COA1: variants seen among roughly 807,000 people sequenced by gnomAD.
The protein encoded by COA1 is cytochrome c oxidase assembly factor 1 homolog.
A neutral mutation model predicts 16.0 loss-of-function variants in COA1; 13 were observed. That is an observed-to-expected ratio of 0.81 (90% CI 0.53 to 1.29). The LOEUF is 1.29. COA1 is among the 50% of genes most tolerant of loss of function. The pLI is 0.00. For missense variants in COA1, 179 were observed against 177.0 expected (o/e 1.01, Z -0.06); for synonymous variants, 65 against 65.7 (o/e 0.99, Z 0.05).
rs2094339459 is a variant in COA1, at chr7:43,691,411, GGA to G, written c.-39+38016_-39+38017del. Among the ~76,000 whole-genome samples the G allele has an allele frequency of 4.8e-5, 5 of 104,358 alleles. 1 individual carries two copies. Among genetic ancestry groups the G allele is most frequent in the African/African-American group, 1.8e-4 (5 of 27,474 alleles). The allele number at this position is 104,358 out of a possible 152,430, so 68.5% of individuals were successfully genotyped here. A position where few individuals can be genotyped will look rare whatever the true frequency, so the allele number is the denominator to read the frequency against. ...AGGAAGGAAGGAAGGAAGGAAGGAA[GGA>G]AGAAAGAAAAAGAAAGAAAGAAAGA... is the stretch of plus-strand genomic sequence containing the variant. On this transcript the variant is annotated intron_variant, in intron 1 of 5. Transcript: ENST00000223336.
At chr7:43,693,916 C>T (rs975567562) in intron 1 of COA1, among the ~76,000 whole-genome samples, 4 of 151,962 alleles carry the variant, frequency 2.6e-5, no homozygotes, top group African/African-American at 9.7e-5. Flanking sequence ...TAATCACACA[C>T]CATTTTAGTC....
chr7:43,640,035 AG>A (rs2086656732), intron 5 of COA1, among the ~76,000 whole-genome samples: 1 of 152,208 alleles, frequency 6.6e-6, no homozygotes, highest in Admixed American at 6.5e-5. Context: ...CAGTGAGCCC[AG>A]GGTGAGCTAG....
chr7:43,663,602 G>A (rs534155072), intron 1 of COA1, among the ~76,000 whole-genome samples: 3 of 137,922 alleles, frequency 2.2e-5, no homozygotes, highest in East Asian at 4.5e-4. Context: ...CCAAGAGTTT[G>A]AGACTACAGT....
chr7:43,633,637 G>C (rs1026044093), intron 6 of COA1, among the ~76,000 whole-genome samples: 4 of 152,192 alleles, frequency 2.6e-5, no homozygotes, highest in Non-Finnish European at 5.9e-5. Context: ...GTGAGCACAA[G>C]CTGTTGAAAA....
chr7:43,723,401 T>C (rs2095549159), intron 1 of COA1, among the ~76,000 whole-genome samples: 1 of 152,196 alleles, frequency 6.6e-6, no homozygotes, highest in African/African-American at 2.4e-5. Flanking sequence ...CTCCTAATCT[T>C]CAACTAATGA....
At chr7:43,659,311 A>G (rs1325810072) in intron 1 of COA1, among the ~76,000 whole-genome samples, 3 of 152,248 alleles carry the variant, frequency 2.0e-5, no homozygotes, top group African/African-American at 7.2e-5. Flanking sequence ...TTGAGCATTG[A>G]AAACTACCAT....
rs2094468634 is a variant in COA1 at position 43,694,429 on chromosome 7, C to T, written c.-39+35000G>A. 2.0e-5 allele frequency among the ~76,000 whole-genome samples: 3 copies of T among 152,142 alleles called. 1 individual carries two copies. The South Asian group carries it at 6.2e-4, about 32-fold the overall frequency. ...CACCAACTTAACTTTTAGCTCCTCA[C>T]CACTCCACCAAAACAACTCCTGTGA... is the stretch of plus-strand genomic sequence containing the variant. On this transcript the variant is annotated intron_variant, in intron 1 of 5. Coordinates refer to ENST00000223336, the MANE Select transcript of COA1 (RefSeq NM_018224.4).
chr7:43,661,361 G>A (rs1167641630), intron 1 of COA1, among the ~76,000 whole-genome samples: 3 of 152,142 alleles, frequency 2.0e-5, no homozygotes, highest in Non-Finnish European at 4.4e-5. Context: ...TCCAGGCCGG[G>A]TGCAGTGGCT....
At chr7:43,663,471 G>A (rs929032744) in intron 1 of COA1, among the ~76,000 whole-genome samples, 9 of 151,626 alleles carry the variant, frequency 5.9e-5, no homozygotes, top group Middle Eastern at 3.2e-3. Flanking sequence ...TGATATCTGC[G>A]ATAACTCTGA....
chr7:43,682,561 C>T (rs1449301419), intron 1 of COA1, among the ~76,000 whole-genome samples: 1 of 152,082 alleles, frequency 6.6e-6, no homozygotes, highest in Non-Finnish European at 1.5e-5. Context: ...TTATTGTAAA[C>T]ATCTGAAAAG....
At chr7:43,687,901 T>G (rs748059543) in intron 1 of COA1, among the ~76,000 whole-genome samples, 1 of 152,166 alleles carries the variant, frequency 6.6e-6, no homozygotes, top group Non-Finnish European at 1.5e-5. Context: ...CTCCCAGAAT[T>G]GCCATGTGTT....
In COA1 at chr7:43,672,131, T is replaced by C. The variant is rs1360991984; in HGVS notation, c.-38-23479A>G. 6.6e-5 allele frequency among the ~76,000 whole-genome samples: 10 copies of C among 151,944 alleles called. No homozygotes were observed. In the East Asian group the frequency reaches 1.7e-3, roughly 27 times the overall value. Reference sequence around the variant, plus strand: ...CTAGTATGGAACAATACTACCGAAATTGTTTGAAAAAATTGAAGGATGGAC... The same window carrying C: ...CTAGTATGGAACAATACTACCGAAACTGTTTGAAAAAATTGAAGGATGGAC... On this transcript the variant is annotated intron_variant, in intron 1 of 5. Coordinates refer to ENST00000223336, the MANE Select transcript of COA1 (RefSeq NM_018224.4).
chr7:43,707,005 T>C (rs2095012757), intron 1 of COA1, among the ~76,000 whole-genome samples: 1 of 151,916 alleles, frequency 6.6e-6, no homozygotes, highest in Non-Finnish European at 1.5e-5. Flanking sequence ...GCCTATCTTT[T>C]CTAAAAATAC....
intron 1 of COA1, among the ~76,000 whole-genome samples, chr7:43,726,527 A>C (rs2095620633): frequency 1.3e-5 from 2 of 152,222 alleles, no homozygotes; most frequent in South Asian, 4.1e-4. Flanking sequence ...AACTCCTAAA[A>C]ATCAATAAAG....
At chr7:43,625,018 A>C (rs931179047) in intron 6 of COA1, 2 of 549,268 alleles carry the variant, frequency 3.6e-6, no homozygotes, top group African/African-American at 3.9e-5. Context: ...AAAAGTTGCC[A>C]ACCAGGAGAT....
chr7:43,615,468 C>T (rs1005143860), intron 6 of COA1, among the ~76,000 whole-genome samples: 35 of 151,516 alleles, frequency 2.3e-4, no homozygotes, highest in African/African-American at 7.7e-4. Context: ...TGAGCCACTG[C>T]GCCCAGCCCT....
intron 1 of COA1, 170 bp from the exon 2 acceptor site, chr7:43,648,822 C>G: frequency 3.6e-6 from 2 of 556,586 alleles, no homozygotes; most frequent in Non-Finnish European, 6.3e-6. Flanking sequence ...TTTCCCCCTT[C>G]TGCTGCCAAA....
intron 1 of COA1, among the ~76,000 whole-genome samples, chr7:43,690,337 C>T (rs527532102): frequency 1.3e-4 from 20 of 152,050 alleles, no homozygotes; most frequent in African/African-American, 4.8e-4. Flanking sequence ...TTTGCAATTG[C>T]AAAACTATGG....
intron 1 of COA1, among the ~76,000 whole-genome samples, chr7:43,682,971 C>G (rs556953380): frequency 6.6e-6 from 1 of 152,158 alleles, no homozygotes; most frequent in Non-Finnish European, 1.5e-5. Context: ...GCCTCAGCCT[C>G]CTGAATAGCT....
Sources: allele counts gnomAD v4.1 joint callset (sites outside exome capture counted in the v4.1 genomes callset), GRCh38; gene constraint gnomAD v4.1.1; transcripts MANE v1.5; gene names NCBI Gene and HGNC (gene_info 2026-07-23, HGNC 2026-07-21).